Variants in ELAPOR1 observed in about 807,000 individuals in gnomAD.
ELAPOR1 encodes endosome-lysosome associated apoptosis and autophagy regulator 1, also known as endosome/lysosome-associated apoptosis and autophagy regulator 1.
A neutral mutation model predicts 119.7 loss-of-function variants in ELAPOR1; 77 were observed. The ratio of observed to expected loss-of-function variants is 0.64; its 90% CI spans 0.54 to 0.78. The LOEUF is 0.78. ELAPOR1 is among the 30% of genes least tolerant of loss of function. ELAPOR1 has a pLI of 0.00. For synonymous variants in ELAPOR1, 481 were observed against 487.2 expected, an observed-to-expected ratio of 0.99 and a Z score of 0.17; for missense variants, 1,115 against 1,270.4, an observed-to-expected ratio of 0.88 and a Z score of 1.86.
At chr1:109,182,636 G>C (rs894118170) in intron 7 of ELAPOR1, among the ~76,000 whole-genome samples, 3 of 151,974 alleles carry the variant, frequency 2.0e-5, no homozygotes, top group Admixed American at 6.6e-5. Flanking sequence ...GGGAGGCCAA[G>C]GCAGGCGGAT....
At chr1:109,161,852 C>A in intron 1 of ELAPOR1, 42 bp from the exon 2 acceptor site, 1 of 1,573,842 alleles carries the variant, frequency 6.4e-7, no homozygotes, top group South Asian at 1.1e-5. Context: ...AATGTTTGAT[C>A]ACTGCTAATG....
intron 7 of ELAPOR1, among the ~76,000 whole-genome samples, chr1:109,174,850 G>T (rs1349319021): frequency 1.3e-5 from 2 of 152,178 alleles, no homozygotes; most frequent in East Asian, 3.9e-4. Flanking sequence ...TGAGTAGTTG[G>T]GACTACAGGC....
chr1:109,192,892 T>C lies in ELAPOR1; in HGVS notation c.1947+18T>C. The stretch of plus-strand genomic sequence containing the variant: ...ACAACAAGGTACCTGTAGTCTGGCA[T>C]GCATCCTAAACCTGACCCTCTGCTT... On this transcript the variant is annotated intron_variant, in intron 14 of 21. Coordinates refer to ENST00000369939, the MANE Select transcript of ELAPOR1 (RefSeq NM_020775.5). 5 of 1,611,842 alleles carry C rather than the reference T, an allele frequency of 3.1e-6. No individual in the cohort carries two copies. The highest frequency in any genetic ancestry group is 4.2e-6 in the Non-Finnish European group (5 of 1,178,952).
chr1:109,134,349 G>A (rs955184183), intron 1 of ELAPOR1, among the ~76,000 whole-genome samples: 1 of 152,086 alleles, frequency 6.6e-6, no homozygotes, highest in Non-Finnish European at 1.5e-5. Context: ...AAGCCTCATA[G>A]GTTCTCCAGG....
At chr1:109,200,036 T>C in intron 19 of ELAPOR1, 23 bp from the exon 20 acceptor site, 9 of 1,613,062 alleles carry the variant, frequency 5.6e-6, no homozygotes, top group Non-Finnish European at 7.6e-6. Context: ...GAGATCTGAG[T>C]TCCTTGTTTT....
At chr1:109,174,432 A>T (rs1652125580) in intron 7 of ELAPOR1, among the ~76,000 whole-genome samples, 1 of 147,970 alleles carries the variant, frequency 6.8e-6, no homozygotes, top group African/African-American at 2.5e-5. Context: ...AAAAAAAAAA[A>T]AAAAAAAAAA....
chr1:109,158,042 C>G (rs1650990516), intron 1 of ELAPOR1, among the ~76,000 whole-genome samples: 1 of 152,110 alleles, frequency 6.6e-6, no homozygotes, highest in East Asian at 1.9e-4. Context: ...CACATGCCAC[C>G]ACGACCGATT....
rs890316441 is a variant in ELAPOR1, at chr1:109,137,789, A to G, written c.153+23453A>G. 7.9e-5 allele frequency among the ~76,000 whole-genome samples: 12 copies of G among 152,180 alleles called. 1 individual carries two copies. The highest frequency in any genetic ancestry group is 4.1e-4 in the South Asian group (2 of 4,830). On this transcript the variant is annotated intron_variant, in intron 1 of 21. Coordinates refer to ENST00000369939, the MANE Select transcript of ELAPOR1 (RefSeq NM_020775.5). ...GTGATCTGCCCGCCTCGGCCCCCCA[A>G]AGTGCTGGGATTACAGGCGTGAGCC...
chr1:109,197,527 G>A lies in ELAPOR1; in HGVS notation c.2175G>A (p.Glu725=). 1 of 1,614,222 alleles carries A rather than the reference G, an allele frequency of 6.2e-7. No individual in the cohort carries two copies. The highest frequency in any genetic ancestry group is 1.1e-5 in the South Asian group (1 of 91,090). Residue 725 remains glutamate, a synonymous_variant, in exon 16 of 22, where the codon GAG becomes GAA. Coordinates refer to ENST00000369939, the MANE Select transcript of ELAPOR1 (RefSeq NM_020775.5). ...TDNVTDLRIP[E]GESGFSKSIT... is the part of the protein sequence containing the mutation. ...ATGTCACTGACCTCCGGATTCCTGA[G>A]GGTGAGTCAGGGTTCTCCAAATCTA... is the stretch of plus-strand genomic sequence containing the variant.
At chr1:109,124,287 C>T (rs491524) in intron 1 of ELAPOR1, among the ~76,000 whole-genome samples, 17,400 of 152,012 alleles carry the variant, frequency 0.11, 1,458 homozygotes, top group African/African-American at 0.23. Context: ...GTGACTATTA[C>T]AGGTGTCATC....
chr1:109,144,061 A>ATATATATATATATATATATATATTTT, intron 1 of ELAPOR1, among the ~76,000 whole-genome samples: 1 of 89,016 alleles, frequency 1.1e-5, no homozygotes, highest in African/African-American at 4.8e-5. Context: ...ATATTTATAT[A>ATATATATATATATATATATATATTTT]TTTTTTTTTT....
intron 13 of ELAPOR1, 61 bp downstream of exon 13, chr1:109,191,924 A>T: frequency 6.3e-7 from 1 of 1,579,566 alleles, no homozygotes; most frequent in South Asian, 1.1e-5. Context: ...GAGGACTCCT[A>T]GCATTAGCTT....
chr1:109,159,512 A>G (rs903322186), intron 1 of ELAPOR1, among the ~76,000 whole-genome samples: 12 of 152,342 alleles, frequency 7.9e-5, no homozygotes, highest in African/African-American at 2.6e-4. Flanking sequence ...CTTGGGCCTC[A>G]GAAGTGAGCC....
chr1:109,117,654 T>A (rs950529411), intron 1 of ELAPOR1, among the ~76,000 whole-genome samples: 2 of 152,138 alleles, frequency 1.3e-5, no homozygotes, highest in African/African-American at 2.4e-5. Context: ...GGAATTAAAT[T>A]AAATAAAATA....
chr1:109,133,718 C>T (rs958700240), intron 1 of ELAPOR1, among the ~76,000 whole-genome samples: 4 of 152,160 alleles, frequency 2.6e-5, no homozygotes, highest in African/African-American at 9.7e-5. Context: ...TGTTTAATTA[C>T]TGTCTATGAA....
intron 1 of ELAPOR1, among the ~76,000 whole-genome samples, chr1:109,154,839 C>A (rs1474579419): frequency 6.6e-6 from 1 of 152,198 alleles, no homozygotes; most frequent in African/African-American, 2.4e-5. Flanking sequence ...GGCTTTCAAA[C>A]CACCATCACT....
At chr1:109,131,976 A>G (rs1257004660) in intron 1 of ELAPOR1, among the ~76,000 whole-genome samples, 4 of 152,220 alleles carry the variant, frequency 2.6e-5, no homozygotes, top group Admixed American at 2.6e-4. Flanking sequence ...GAATGTGGTA[A>G]GGAGAAAGAT....
chr1:109,192,526 T>A, intron 13 of ELAPOR1, 85 bp from the exon 14 acceptor site: 1 of 1,379,264 alleles, frequency 7.3e-7, no homozygotes, highest in East Asian at 2.3e-5. Context: ...GATAGAAGAT[T>A]AAGTACCTTG....
At chr1:109,185,007 T>C (rs757209595) in intron 7 of ELAPOR1, 38 bp from the exon 8 acceptor site, 3 of 1,543,292 alleles carry the variant, frequency 1.9e-6, no homozygotes, top group Middle Eastern at 1.7e-4. Flanking sequence ...AGCTTTCTTA[T>C]GTAACTCCAA....
Sources: gnomAD v4.1 joint callset for allele counts (sites outside exome capture counted in the v4.1 genomes callset) on GRCh38, gnomAD v4.1.1 for gene constraint, MANE v1.5 for transcripts, NCBI Gene and HGNC (gene_info 2026-07-23, HGNC 2026-07-21) for gene names.